The following RABGEF1 variants were observed in gnomAD, a reference collection of about 807,000 sequenced individuals.
The protein encoded by RABGEF1 is RAB guanine nucleotide exchange factor 1.
Under a neutral mutation model 57.3 loss-of-function variants are expected in RABGEF1, and 26 were observed. The ratio of observed to expected loss-of-function variants is 0.45; its 90% confidence interval spans 0.33 to 0.63. The LOEUF (loss-of-function observed/expected upper bound fraction) is 0.63, where lower values mean the gene tolerates loss of function less well. Ranked by LOEUF, RABGEF1 falls within the 20% of genes least tolerant of loss-of-function variation. The probability of loss-of-function intolerance (pLI) is 0.02; values close to 1 mark genes in which losing one functional copy is unlikely to be tolerated. For synonymous variants in RABGEF1, 185 were observed against 210.7 expected (o/e 0.88, Z 1.06); for missense variants, 464 against 607.6 (o/e 0.76, Z 2.48).
intron 2 of RABGEF1, chr7:66,773,821 A>G (rs1449727588): frequency 2.3e-6 from 1 of 428,992 alleles, no homozygotes; most frequent in Admixed American, 2.5e-5. Flanking sequence ...GTATGCCACC[A>G]TGCCCAGCTA....
chr7:66,743,502 A>T (rs894945877), intron 1 of RABGEF1, among the ~76,000 whole-genome samples: 1 of 149,836 alleles, frequency 6.7e-6, no homozygotes. Flanking sequence ...GCCTGGCTAA[A>T]TTTTTTTTTC....
chr7:66,791,293 G>A (rs1423971559), intron 4 of RABGEF1, among the ~76,000 whole-genome samples: 1 of 152,124 alleles, frequency 6.6e-6, no homozygotes, highest in Non-Finnish European at 1.5e-5. Flanking sequence ...ATCTAAATGT[G>A]GAAATGTTTA....
chr7:66,734,670 T>G (rs1027001500), intron 2 of RABGEF1, among the ~76,000 whole-genome samples: 5 of 150,640 alleles, frequency 3.3e-5, no homozygotes, highest in Non-Finnish European at 5.9e-5. Context: ...TGACCTCAAG[T>G]GATCCATCCA....
chr7:66,771,141 A>T (rs73139941), intron 1 of RABGEF1, among the ~76,000 whole-genome samples: 18,273 of 151,620 alleles, frequency 0.12, 1,279 homozygotes, highest in East Asian at 0.2. Context: ...ATTTTTAAAA[A>T]TTTTTTATTT....
intron 2 of RABGEF1, among the ~76,000 whole-genome samples, chr7:66,726,643 A>G (rs777812521): frequency 6.6e-6 from 1 of 152,042 alleles, no homozygotes; most frequent in African/African-American, 2.4e-5. Flanking sequence ...CTGGGATTAC[A>G]GGCATGAGCC....
At chr7:66,759,782 A>G (rs537550699) in intron 1 of RABGEF1, among the ~76,000 whole-genome samples, 3 of 152,328 alleles carry the variant, frequency 2.0e-5, no homozygotes, top group African/African-American at 7.2e-5. Context: ...TAACTGCCCC[A>G]TGATCAGATC....
chr7:66,705,918 C>T (rs1422815824), intron 1 of RABGEF1, among the ~76,000 whole-genome samples: 1 of 105,084 alleles, frequency 9.5e-6, no homozygotes, highest in African/African-American at 3.8e-5. Context: ...TTTTTTGAGA[C>T]GGAGTCTCGC....
In RABGEF1 at chr7:66,810,321, CT is replaced by C. The variant is rs1450681591; in HGVS notation, c.*1038del. ...GAGAGGTGTTTGTTGTGGGGCCACC[CT>C]GTGCATGGTAGAATGTTCAGCAGCA... On this transcript the variant is annotated 3_prime_UTR_variant, in exon 9 of 9. Transcript: ENST00000284957. 6.6e-6 allele frequency: 1 copy of C among 152,192 alleles called. No individual in the cohort carries two copies. Among genetic ancestry groups the C allele is most frequent in the African/African-American group, 2.4e-5 (1 of 41,430 alleles). 9.4% of individuals were successfully genotyped at this position (152,192 alleles called of 1,614,324 possible). A position where few individuals can be genotyped will look rare whatever the true frequency, so the allele number is the denominator to read the frequency against.
At chr7:66,743,157 A>C (rs1033570332) in intron 1 of RABGEF1, among the ~76,000 whole-genome samples, 10 of 151,868 alleles carry the variant, frequency 6.6e-5, no homozygotes, top group Admixed American at 2.6e-4. Context: ...AAAACACTAA[A>C]ATTAGCTTGG....
chr7:66,685,924 C>G (rs1221535573), intron 1 of RABGEF1, among the ~76,000 whole-genome samples: 1 of 152,154 alleles, frequency 6.6e-6, no homozygotes, highest in Non-Finnish European at 1.5e-5. Flanking sequence ...CTGTGTAAAC[C>G]TAACACCTGT....
intron 3 of RABGEF1, among the ~76,000 whole-genome samples, chr7:66,781,637 C>T (rs957894658): frequency 1.3e-5 from 2 of 152,186 alleles, no homozygotes; most frequent in African/African-American, 4.8e-5. Context: ...TTTCTCTCAT[C>T]TTGGGTAGTT....
chr7:66,754,802 T>G lies in RABGEF1; in HGVS notation c.-18+14010T>G, dbSNP rs547128568. On this transcript the variant is annotated intron_variant, in intron 1 of 8. Coordinates refer to ENST00000284957, the MANE Select transcript of RABGEF1 (RefSeq NM_014504.3). Reference sequence around the variant, plus strand: ...CAGTGTGGGCGTGTGTGTATGTGTGTATCACTTTACCCAGCCACAGCAAGT... The same window carrying G: ...CAGTGTGGGCGTGTGTGTATGTGTGGATCACTTTACCCAGCCACAGCAAGT... Among the ~76,000 whole-genome samples, 110 of 152,366 alleles carry G rather than the reference T, an allele frequency of 7.2e-4. 1 individual carries two copies. The highest frequency in any genetic ancestry group is 2.6e-3 in the African/African-American group (109 of 41,594).
the RABGEF1 span, among the ~76,000 whole-genome samples, chr7:66,664,198 T>A: frequency 6.6e-6 from 1 of 150,894 alleles, no homozygotes; most frequent in Non-Finnish European, 1.5e-5. Flanking sequence ...AGAGTTTTGG[T>A]GGAATGGGGT....
At chr7:66,663,559 A>G in the RABGEF1 span, among the ~76,000 whole-genome samples, 1 of 142,902 alleles carries the variant, frequency 7.0e-6, no homozygotes, top group Non-Finnish European at 1.5e-5. Flanking sequence ...GCCTGGCGAC[A>G]GAGCAAAACT....
chr7:66,809,385 T>C lies in RABGEF1; in HGVS notation c.*101T>C. On this transcript the variant is annotated 3_prime_UTR_variant, in exon 9 of 9. Coordinates refer to ENST00000284957, the MANE Select transcript of RABGEF1 (RefSeq NM_014504.3). ...AGAATGTAACTAAATTGCTTATAAA[T>C]GTCAGCATTTTTTAAAGGTACAGTA... The C allele has an allele frequency of 1.6e-6, 2 of 1,228,164 alleles. No individual in the cohort carries two copies. Among genetic ancestry groups the C allele is most frequent in the Non-Finnish European group, 2.1e-6 (2 of 951,426 alleles). The allele number at this position is 1,228,164 out of a possible 1,614,324, so 76.1% of individuals were successfully genotyped here. A position where few individuals can be genotyped will look rare whatever the true frequency, so the allele number is the denominator to read the frequency against.
intron 3 of RABGEF1, 138 bp from the exon 4 acceptor site, chr7:66,783,537 T>C (rs1810459188): frequency 1.2e-5 from 10 of 857,730 alleles, no homozygotes; most frequent in Non-Finnish European, 1.6e-5. Context: ...TGTCCAACCA[T>C]TCAAACATAA....
chr7:66,659,384 G>A, the RABGEF1 span, among the ~76,000 whole-genome samples: 9 of 152,008 alleles, frequency 5.9e-5, no homozygotes, highest in East Asian at 7.8e-4. Flanking sequence ...CACGGGAGGC[G>A]GAGGTGGCTG....
intron 1 of RABGEF1, among the ~76,000 whole-genome samples, chr7:66,703,314 T>A (rs895153170): frequency 6.6e-6 from 1 of 152,202 alleles, no homozygotes; most frequent in Non-Finnish European, 1.5e-5. Context: ...ACCTATCTAT[T>A]TTTTCTTTTG....
rs1562896004 is a variant in RABGEF1 at position 66,809,148 on chromosome 7, G to C, written c.1340G>C (p.Arg447Thr). 6.2e-7 allele frequency: 1 copy of C among 1,614,228 alleles called. No homozygotes were observed. The highest frequency in any genetic ancestry group is 8.5e-7 in the Non-Finnish European group (1 of 1,180,038). The change falls in exon 9 of 9, where the codon AGA (arginine) becomes ACA (threonine). Residue 447 changes from arginine to threonine, a missense_variant. Arg to Thr is a moderately conservative substitution (Grantham distance 71). Transcript: ENST00000284957. Reference protein sequence around the residue: ...DLIDWTDGIAREVQDIVEKYP... With the variant: ...DLIDWTDGIATEVQDIVEKYP... ...ATAGATTGGACAGATGGAATTGCAA[G>C]AGAAGTTCAAGACATCGTTGAGAAA...
Sources: gnomAD v4.1 joint callset for allele counts (sites outside exome capture counted in the v4.1 genomes callset) on GRCh38, gnomAD v4.1.1 for gene constraint, MANE v1.5 for transcripts, NCBI Gene and HGNC (gene_info 2026-07-23, HGNC 2026-07-21) for gene names.